KALRN: variants seen among roughly 807,000 people sequenced by gnomAD.
KALRN encodes the protein kalirin RhoGEF kinase, also known as kalirin.
Under a neutral mutation model 353.7 loss-of-function variants are expected in KALRN, and 70 were observed. The observed-to-expected ratio is 0.20, with a 90% CI of 0.16 to 0.24. The LOEUF is 0.24. Ranked by LOEUF, KALRN falls within the 10% of genes least tolerant of loss-of-function variation. The pLI is 1.00. For synonymous variants in KALRN, 1,391 were observed against 1,434.8 expected (o/e 0.97, Z 0.69); for missense variants, 2,791 against 3,756.7 (o/e 0.74, Z 6.72).
At chr3:124,415,617 G>T (rs1352371882) in intron 14 of KALRN, among the ~76,000 whole-genome samples, 2 of 152,160 alleles carry the variant, frequency 1.3e-5, no homozygotes, top group African/African-American at 4.8e-5. Flanking sequence ...ATAGTCTAAG[G>T]GTCAAAGAAT....
At chr3:124,436,544 A>T (rs1576918281) in intron 17 of KALRN, among the ~76,000 whole-genome samples, 1 of 151,992 alleles carries the variant, frequency 6.6e-6, no homozygotes, top group East Asian at 1.9e-4. Context: ...TTCTCATGTG[A>T]TGCTAGAGAT....
At chr3:124,363,918 A>C (rs1055140010) in intron 10 of KALRN, among the ~76,000 whole-genome samples, 1 of 152,250 alleles carries the variant, frequency 6.6e-6, no homozygotes, top group South Asian at 2.1e-4. Context: ...GATGCTTTGC[A>C]TTTAGAGTTC....
chr3:124,664,379 G>A (rs990609427), intron 45 of KALRN, among the ~76,000 whole-genome samples: 6 of 150,484 alleles, frequency 4.0e-5, no homozygotes, highest in Non-Finnish European at 8.9e-5. Flanking sequence ...GTGCGCGCGC[G>A]CGCATATAAG....
rs889533320 is a variant in KALRN, at chr3:124,151,843, G to A, written c.74-76147G>A. 9.3e-5 allele frequency: 38 copies of A among 409,046 alleles called. No homozygotes were observed. The South Asian group carries it at 1.6e-3, about 17-fold the overall frequency. The allele number at this position is 409,046 out of a possible 1,614,324, so 25.3% of individuals were successfully genotyped here. On this transcript the variant is annotated intron_variant, in intron 1 of 59. Coordinates refer to ENST00000682506, the MANE Select transcript of KALRN (RefSeq NM_001388419.1). ...CACATTTGGATCAGTAATTCATTTG[G>A]AAATGCTTTTAGTGTACGGTGAGAA... is the stretch of plus-strand genomic sequence containing the variant.
intron 1 of KALRN, among the ~76,000 whole-genome samples, chr3:124,146,959 G>A (rs958433926): frequency 6.6e-6 from 1 of 151,496 alleles, no homozygotes; most frequent in South Asian, 2.1e-4. Flanking sequence ...CCATGAGTGA[G>A]GCTCTAAAAC....
intron 55 of KALRN, among the ~76,000 whole-genome samples, chr3:124,699,475 A>G (rs2062215382): frequency 6.6e-6 from 1 of 152,254 alleles, no homozygotes; most frequent in Admixed American, 6.5e-5. Context: ...AGTGTTCAAT[A>G]CATGTTACTT....
intron 1 of KALRN, among the ~76,000 whole-genome samples, chr3:124,056,493 A>C (rs1447647839): frequency 6.6e-6 from 1 of 152,160 alleles, no homozygotes; most frequent in African/African-American, 2.4e-5. Flanking sequence ...GAGTTTCTTC[A>C]CTATAAAGTG....
rs1213303838 is a variant in KALRN, at chr3:124,152,804, A to G, written c.74-75186A>G. ...GTTTGTTTGTTTGTTTTTCATTGAG[A>G]CGGGGTTTCACCATCTTGGCCAAGC... is the stretch of plus-strand genomic sequence containing the variant. On this transcript the variant is annotated intron_variant, in intron 1 of 59. Coordinates refer to ENST00000682506, the MANE Select transcript of KALRN (RefSeq NM_001388419.1). 55 of 273,128 alleles carry G rather than the reference A, an allele frequency of 2.0e-4. 1 individual carries two copies. In the Admixed American group the frequency reaches 2.7e-3, roughly 13 times the overall value. The allele number at this position is 273,128 out of a possible 1,614,324, so 16.9% of individuals were successfully genotyped here. A position where few individuals can be genotyped will look rare whatever the true frequency, so the allele number is the denominator to read the frequency against.
intron 1 of KALRN, among the ~76,000 whole-genome samples, chr3:124,040,116 A>G (rs1231638648): frequency 6.6e-6 from 1 of 152,190 alleles, no homozygotes; most frequent in Non-Finnish European, 1.5e-5. Flanking sequence ...ACTGGTACAT[A>G]CTGTCCAGTC....
At chr3:124,192,211 G>A (rs763755149) in intron 1 of KALRN, among the ~76,000 whole-genome samples, 6 of 152,182 alleles carry the variant, frequency 3.9e-5, no homozygotes, top group Non-Finnish European at 7.3e-5. Flanking sequence ...TGGTGTCCTA[G>A]TCATTTGCAA....
chr3:124,255,703 A>T (rs561964052), intron 3 of KALRN, among the ~76,000 whole-genome samples: 5 of 152,188 alleles, frequency 3.3e-5, no homozygotes, highest in Non-Finnish European at 7.4e-5. Flanking sequence ...ATGGCAATGC[A>T]TAGGAAGAGC....
chr3:124,153,927 T>C (rs1256524355), intron 1 of KALRN, among the ~76,000 whole-genome samples: 1 of 152,182 alleles, frequency 6.6e-6, no homozygotes, highest in African/African-American at 2.4e-5. Flanking sequence ...TTTTGAGAAG[T>C]GTCTGTTCAT....
chr3:124,477,098 G>T (rs1159693480), intron 26 of KALRN, 147 bp from the exon 27 acceptor site: 4 of 518,444 alleles, frequency 7.7e-6, no homozygotes, highest in Non-Finnish European at 1.4e-5. Flanking sequence ...CATGGGGGCT[G>T]GATGAGCATA....
intron 10 of KALRN, among the ~76,000 whole-genome samples, chr3:124,375,645 T>C (rs936285953): frequency 2.6e-5 from 4 of 152,238 alleles, no homozygotes; most frequent in African/African-American, 9.6e-5. Flanking sequence ...GTAACTAGTA[T>C]TGGCAACCTC....
intron 16 of KALRN, among the ~76,000 whole-genome samples, chr3:124,433,444 C>A (rs2093352269): frequency 6.6e-6 from 1 of 151,400 alleles, no homozygotes. Context: ...AAAAATTAGC[C>A]AAGTGTGATG....
intron 33 of KALRN, among the ~76,000 whole-genome samples, chr3:124,554,751 C>T (rs535862105): frequency 6.6e-5 from 10 of 152,288 alleles, no homozygotes; most frequent in African/African-American, 2.4e-4. Context: ...GGCACAAAGG[C>T]TGACTCAATA....
intron 3 of KALRN, among the ~76,000 whole-genome samples, chr3:124,239,676 G>A (rs1034271879): frequency 8.5e-5 from 13 of 152,214 alleles, no homozygotes; most frequent in African/African-American, 3.1e-4. Context: ...TCTTTGTGCA[G>A]CATTACCAGA....
intron 11 of KALRN, 106 bp downstream of exon 11, chr3:124,385,142 G>A: frequency 1.1e-6 from 1 of 899,418 alleles, no homozygotes; most frequent in Non-Finnish European, 1.6e-6. Context: ...TAGTCTGGGG[G>A]TTACTAACTT....
At chr3:124,499,238 G>A (rs2064232177) in intron 33 of KALRN, among the ~76,000 whole-genome samples, 1 of 152,184 alleles carries the variant, frequency 6.6e-6, no homozygotes, top group East Asian at 1.9e-4. Context: ...ACCACTCCAT[G>A]TGTGTTACGT....
Sources: allele counts gnomAD v4.1 joint callset (sites outside exome capture counted in the v4.1 genomes callset), GRCh38; gene constraint gnomAD v4.1.1; transcripts MANE v1.5; gene names NCBI Gene and HGNC (gene_info 2026-07-23, HGNC 2026-07-21).